TMEM156: variants seen among roughly 807,000 people sequenced by gnomAD.
The protein encoded by TMEM156 is transmembrane protein 156.
A neutral mutation model predicts 30.5 loss-of-function variants in TMEM156; 28 were observed. The ratio of observed to expected loss-of-function variants is 0.92; its 90% CI spans 0.68 to 1.26. The LOEUF (loss-of-function observed/expected upper bound fraction) is 1.26, where lower values mean the gene tolerates loss of function less well. Among genes scored for constraint, TMEM156 ranks in the 50% most tolerant of loss-of-function variants. The pLI is 0.00. For synonymous variants in TMEM156, 137 were observed against 119.9 expected, an observed-to-expected ratio of 1.14 and a Z score of -0.93; for missense variants, 351 against 340.6, an observed-to-expected ratio of 1.03 and a Z score of -0.24.
At chr4:38,999,115 T>G (rs35123679) in intron 1 of TMEM156, among the ~76,000 whole-genome samples, 1 of 72,140 alleles carries the variant, frequency 1.4e-5, no homozygotes, top group Non-Finnish European at 3.2e-5. Flanking sequence ...TATTTATTTT[T>G]TTTTTTTTTT....
chr4:39,029,199 C>T (rs533471089), intron 1 of TMEM156, among the ~76,000 whole-genome samples: 1 of 151,522 alleles, frequency 6.6e-6, no homozygotes, highest in Non-Finnish European at 1.5e-5. Flanking sequence ...ATGTTAAAGA[C>T]AGGGTATCAG....
chr4:38,981,135 C>A (rs6811642), intron 5 of TMEM156: 1 of 163,744 alleles, frequency 6.1e-6, no homozygotes, highest in Admixed American at 6.5e-5. Context: ...TAAATTTTCA[C>A]GTTATCTTTC....
chr4:39,013,270 G>A (rs967623906), intron 1 of TMEM156, among the ~76,000 whole-genome samples: 23 of 145,900 alleles, frequency 1.6e-4, no homozygotes, highest in South Asian at 4.3e-4. Flanking sequence ...CACTGCACTC[G>A]GCACTCCAGC....
At chr4:38,992,701 A>ATATATATATAT (rs1198650474) in intron 3 of TMEM156, among the ~76,000 whole-genome samples, 5 of 41,408 alleles carry the variant, frequency 1.2e-4, no homozygotes, top group Admixed American at 2.5e-4. Context: ...ATATTATATA[A>ATATATATATAT]TATATATATA....
chr4:39,020,481 C>A (rs1472092296), intron 1 of TMEM156, among the ~76,000 whole-genome samples: 2 of 152,180 alleles, frequency 1.3e-5, no homozygotes, highest in Non-Finnish European at 2.9e-5. Context: ...AGCGATCCTC[C>A]CAACTCAGCC....
chr4:38,974,650 G>A (rs1445769938), intron 5 of TMEM156, among the ~76,000 whole-genome samples: 2 of 150,146 alleles, frequency 1.3e-5, no homozygotes, highest in Non-Finnish European at 3.0e-5. Context: ...TATTTTAACT[G>A]AAGATTTTTT....
At position 38,993,745 on chromosome 4, in the gene TMEM156, A is replaced by G. The variant is rs904926471; in HGVS notation, c.612T>C (p.Asp204=). ...GTTTCCTTAAAAACTTACTTTTTAT[A>G]TCCATCTCTAGGTGCAAAGAAATGT... The part of the protein sequence containing the change: ...CIHISLHLEM[D]IKNITCSMKI... Residue 204 remains aspartate, a synonymous_variant, in exon 3 of 7, where the codon GAT becomes GAC. Coordinates refer to ENST00000381938, the MANE Select transcript of TMEM156 (RefSeq NM_024943.3). 4.3e-6 allele frequency: 7 copies of G among 1,611,326 alleles called. No homozygotes were observed. The highest frequency in any genetic ancestry group is 2.2e-5 in the East Asian group (1 of 44,842).
intron 6 of TMEM156, among the ~76,000 whole-genome samples, chr4:38,970,522 G>A (rs1022883614): frequency 6.6e-6 from 1 of 151,848 alleles, no homozygotes; most frequent in African/African-American, 2.4e-5. Flanking sequence ...TATTCCTAGT[G>A]CCTTTAACAT....
rs185639951 is a variant in TMEM156 at position 38,983,792 on chromosome 4, G to A, written c.823+2544C>T. ...GATATCCATAGCCCTTCTACAAAGCGTGCTATGCCTTCTTTAATAAAGTGG... is the reference window on the plus strand; with the variant it reads ...GATATCCATAGCCCTTCTACAAAGCATGCTATGCCTTCTTTAATAAAGTGG... On this transcript the variant is annotated intron_variant, in intron 5 of 6. Transcript: ENST00000381938. 1.4e-3 allele frequency among the ~76,000 whole-genome samples: 218 copies of A among 152,278 alleles called. 1 individual carries two copies. Among genetic ancestry groups the A allele is most frequent in the African/African-American group, 5.0e-3 (209 of 41,558 alleles).
intron 5 of TMEM156, among the ~76,000 whole-genome samples, chr4:38,984,618 T>G (rs4596247): frequency 0.66 from 99,857 of 151,882 alleles, 32,845 homozygotes; most frequent in East Asian, 0.73. Context: ...CCTTAAAAAC[T>G]GCACTCAAGG....
chr4:38,970,844 T>C (rs1722563903), intron 6 of TMEM156, among the ~76,000 whole-genome samples, 188 bp downstream of exon 6: 1 of 152,244 alleles, frequency 6.6e-6, no homozygotes, highest in African/African-American at 2.4e-5. Flanking sequence ...ATCCATCTAC[T>C]GATCCTTCCT....
rs1378820270 is a variant in TMEM156, at chr4:38,993,852, T to C, written c.505A>G (p.Thr169Ala). 3 of 1,614,132 alleles carry C rather than the reference T, an allele frequency of 1.9e-6. No individual in the cohort carries two copies. Among genetic ancestry groups the C allele is most frequent in the Non-Finnish European group, 1.7e-6 (2 of 1,180,014 alleles). The change falls in exon 3 of 7, where the codon ACA (threonine) becomes GCA (alanine). Residue 169 changes from threonine to alanine, a missense_variant. Physicochemically the swap from Thr to Ala is moderately conservative, Grantham distance 58 (BLOSUM62 0). Transcript: ENST00000381938. ...CHLKNHTGRS[T>A]IMEDEPSKEK... ...TTGCTTGGCTCATCCTCCATGATTG[T>C]TGATCTTCCAGTGTGGTTTTTTAGA... is the stretch of plus-strand genomic sequence containing the variant.
intron 1 of TMEM156, among the ~76,000 whole-genome samples, chr4:39,004,746 T>C (rs1281251690): frequency 3.3e-5 from 5 of 152,180 alleles, no homozygotes; most frequent in African/African-American, 9.6e-5. Flanking sequence ...CTGTTATGAA[T>C]AATGTTGCTG....
chr4:39,020,490 C>A (rs115821324), intron 1 of TMEM156, among the ~76,000 whole-genome samples: 1,544 of 152,248 alleles, frequency 0.01, 31 homozygotes, highest in African/African-American at 0.035. Flanking sequence ...CCCAACTCAG[C>A]CTCCCAAGTA....
intron 1 of TMEM156, among the ~76,000 whole-genome samples, chr4:39,025,828 T>G (rs1002105153): frequency 2.8e-4 from 43 of 152,348 alleles, no homozygotes; most frequent in Non-Finnish European, 5.3e-4. Flanking sequence ...TAGCACAACT[T>G]AAAATCTCTA....
At chr4:38,977,243 C>G (rs575380760) in intron 5 of TMEM156, among the ~76,000 whole-genome samples, 2 of 152,220 alleles carry the variant, frequency 1.3e-5, no homozygotes, top group Non-Finnish European at 2.9e-5. Context: ...TCAAAAGAGC[C>G]TATTCATGAA....
intron 5 of TMEM156, among the ~76,000 whole-genome samples, chr4:38,984,365 G>C (rs1283400708): frequency 6.6e-6 from 1 of 151,506 alleles, no homozygotes; most frequent in Non-Finnish European, 1.5e-5. Context: ...GTGTGTGTGT[G>C]TGTGTGTGTG....
At chr4:38,997,474 T>C (rs550668428) in intron 2 of TMEM156, among the ~76,000 whole-genome samples, 2 of 152,282 alleles carry the variant, frequency 1.3e-5, no homozygotes, top group East Asian at 1.9e-4. Flanking sequence ...AATAAGTACA[T>C]GAAAACAACA....
chr4:39,030,103 G>A (rs1410670093), intron 1 of TMEM156, among the ~76,000 whole-genome samples: 1 of 151,582 alleles, frequency 6.6e-6, no homozygotes, highest in African/African-American at 2.4e-5. Context: ...TGTAGTCCCA[G>A]CTGCTTGGGG....
Sources: allele counts gnomAD v4.1 joint callset (sites outside exome capture counted in the v4.1 genomes callset), GRCh38; gene constraint gnomAD v4.1.1; transcripts MANE v1.5; gene names NCBI Gene and HGNC (gene_info 2026-07-23, HGNC 2026-07-21).